YWHAG: variants seen among roughly 807,000 people sequenced by gnomAD.
The protein encoded by YWHAG is 14-3-3 protein gamma.
Under a neutral mutation model 23.3 loss-of-function variants are expected in YWHAG, and 1 was observed. That is an observed-to-expected ratio of 0.04 (90% confidence interval 0.02 to 0.20). YWHAG has a LOEUF of 0.20. Among genes scored for constraint, YWHAG ranks in the 10% least tolerant of loss-of-function variants. YWHAG has a pLI of 1.00. For missense variants in YWHAG, 151 were observed against 338.6 expected (o/e 0.45, Z 4.35); for synonymous variants, 160 against 144.0 (o/e 1.11, Z -0.80).
chr7:76,358,095 AAAG>A (rs1200408404), intron 1 of YWHAG, among the ~76,000 whole-genome samples: 5 of 152,290 alleles, frequency 3.3e-5, no homozygotes, highest in African/African-American at 1.2e-4. Context: ...GCGAATGGAG[AAAG>A]AAGAGCCTTT....
At chr7:76,358,237 G>A (rs761431376) in intron 1 of YWHAG, among the ~76,000 whole-genome samples, 63 of 152,162 alleles carry the variant, frequency 4.1e-4, no homozygotes, top group Non-Finnish European at 6.9e-4. Context: ...GGAAGATTCT[G>A]GGGGGGCTGG....
At chr7:76,358,690 G>A (rs377580693) in intron 1 of YWHAG, 32 bp downstream of exon 1, 5 of 1,533,516 alleles carry the variant, frequency 3.3e-6, no homozygotes, top group Admixed American at 3.8e-5. Context: ...CGGAGGGGCA[G>A]GGAGCGGCGG....
chr7:76,330,694 T>C (rs960758612), intron 1 of YWHAG, among the ~76,000 whole-genome samples: 2 of 152,242 alleles, frequency 1.3e-5, no homozygotes. Context: ...TCTGCTCATA[T>C]GCCAACACCA....
intron 1 of YWHAG, among the ~76,000 whole-genome samples, chr7:76,351,333 T>G (rs1006204925): frequency 2.6e-5 from 4 of 152,192 alleles, no homozygotes; most frequent in African/African-American, 9.7e-5. Context: ...TGGAATGCCC[T>G]TTTCTGTTGT....
Position 76,330,096 on chromosome 7 carries a change from A to G in YWHAG, c.225T>C (p.Asn75=), listed in dbSNP as rs938754648. The change falls in exon 2 of 2, where the codon AAT becomes AAC. Residue 75 remains asparagine (N), a synonymous_variant. Transcript: ENST00000307630. ...CACGGACCATCTCAATCTTCTTCTC[A>G]TTGCCGTCTGCAGATGTCTTCTGCT... The part of the protein sequence containing the change: ...SIEQKTSADG[N]EKKIEMVRAY... 3.1e-6 allele frequency: 5 copies of G among 1,613,666 alleles called. No homozygotes were observed. Among genetic ancestry groups the G allele is most frequent in the African/African-American group, 2.7e-5 (2 of 74,754 alleles).
intron 1 of YWHAG, among the ~76,000 whole-genome samples, chr7:76,354,596 A>C: frequency 6.6e-6 from 1 of 152,316 alleles, no homozygotes; most frequent in East Asian, 1.9e-4. Context: ...AAGAAGGGAA[A>C]AGTAACTACT....
chr7:76,346,374 C>T lies in YWHAG; in HGVS notation c.87+12348G>A, dbSNP rs962110122. Reference sequence around the variant, plus strand: ...GGTTCCAACACACATGGATACAAAGCGGCTCCCTCTTGAATGTCAGTTCTA... The same window carrying T: ...GGTTCCAACACACATGGATACAAAGTGGCTCCCTCTTGAATGTCAGTTCTA... On this transcript the variant is annotated intron_variant, in intron 1 of 1. Coordinates refer to ENST00000307630, the MANE Select transcript of YWHAG (RefSeq NM_012479.4). Among the ~76,000 whole-genome samples the T allele has an allele frequency of 2.0e-5, 3 of 152,168 alleles. No individual in the cohort carries two copies. In the South Asian group the frequency reaches 6.2e-4, roughly 31 times the overall value.
intron 1 of YWHAG, among the ~76,000 whole-genome samples, chr7:76,334,747 G>GAAAGA (rs527923192): frequency 0.019 from 2,779 of 149,114 alleles, 47 homozygotes; most frequent in Non-Finnish European, 0.025. Context: ...AAGAAAGAAA[G>GAAAGA]AAAGAAAAGA....
chr7:76,349,438 CACACAG>C (rs200680632), intron 1 of YWHAG, among the ~76,000 whole-genome samples: 6 of 112,970 alleles, frequency 5.3e-5, no homozygotes, highest in African/African-American at 8.1e-5. Flanking sequence ...CACACACACA[CACACAG>C]ACACACACAC....
chr7:76,329,510 AACT>A lies in YWHAG; in HGVS notation c.*64_*66del. On this transcript the variant is annotated 3_prime_UTR_variant, in exon 2 of 2. Transcript: ENST00000307630. This position sits in a 1 kb window ranked among gnomAD's most constrained non-coding sequence, Gnocchi z 6.1. ...CCTTTCCCTCCCCCACCCGACCCCC[AACT>A]CATGGGAAAAAAATAAAGACTGCAG... 10 of 530,058 alleles carry A rather than the reference AACT, an allele frequency of 1.9e-5. No individual in the cohort carries two copies. Among genetic ancestry groups the A allele is most frequent in the East Asian group, 5.4e-5 (1 of 18,358 alleles). 32.8% of individuals were successfully genotyped at this position (530,058 alleles called of 1,614,324 possible). A position where few individuals can be genotyped will look rare whatever the true frequency, so the allele number is the denominator to read the frequency against.
At chr7:76,348,370 C>T (rs1407765852) in intron 1 of YWHAG, among the ~76,000 whole-genome samples, 1 of 150,190 alleles carries the variant, frequency 6.7e-6, no homozygotes, top group African/African-American at 2.5e-5. Context: ...GATTCTCATG[C>T]CTCAGCCTCC....
rs1803592534 is a variant in YWHAG at position 76,334,686 on chromosome 7, G to A, written c.88-4453C>T. ...CAGCCTTGGCCTCCTAAAGTTCTGG[G>A]ATTACAAACATGAGCCATTCTGCCT... On this transcript the variant is annotated intron_variant, in intron 1 of 1. Transcript: ENST00000307630. Among the ~76,000 whole-genome samples the A allele has an allele frequency of 2.0e-5, 3 of 151,272 alleles. No individual in the cohort carries two copies. In the South Asian group the frequency reaches 6.2e-4, roughly 31 times the overall value.
intron 1 of YWHAG, among the ~76,000 whole-genome samples, chr7:76,338,954 T>C (rs1803653321): frequency 6.6e-6 from 1 of 152,198 alleles, no homozygotes; most frequent in African/African-American, 2.4e-5. Flanking sequence ...GTTGATTAGG[T>C]TGAATTTTGT....
intron 1 of YWHAG, among the ~76,000 whole-genome samples, chr7:76,358,432 C>A (rs1325926528): frequency 6.6e-6 from 1 of 152,206 alleles, no homozygotes; most frequent in Non-Finnish European, 1.5e-5. Context: ...CCTAGAGCCG[C>A]GGGGGCCGGA....
chr7:76,352,310 G>A (rs1803887829), intron 1 of YWHAG, among the ~76,000 whole-genome samples: 1 of 151,884 alleles, frequency 6.6e-6, no homozygotes, highest in South Asian at 2.1e-4. Context: ...CCTTCCCCTC[G>A]CTCCCTTAGC....
intron 1 of YWHAG, among the ~76,000 whole-genome samples, chr7:76,354,797 ACAC>A (rs1452021673): frequency 6.6e-6 from 1 of 152,216 alleles, no homozygotes; most frequent in African/African-American, 2.4e-5. Context: ...AGTCACTAGA[ACAC>A]CAGCAAAATT....
chr7:76,330,475 T>TATC (rs1481517861), intron 1 of YWHAG, among the ~76,000 whole-genome samples: 1 of 152,166 alleles, frequency 6.6e-6, no homozygotes, highest in Non-Finnish European at 1.5e-5. Context: ...GACACAGGCT[T>TATC]ATCACGTGTG....
chr7:76,348,839 A>G (rs1408296384), intron 1 of YWHAG, among the ~76,000 whole-genome samples: 1 of 151,852 alleles, frequency 6.6e-6, no homozygotes, highest in East Asian at 2.0e-4. Context: ...CCAGCCTCCC[A>G]AAGTGCTGGG....
In YWHAG at chr7:76,329,489, T is replaced by TACCTCCCCCCCCCCCC; in HGVS notation, c.*87_*88insGGGGGGGGGGGGAGGT. The TACCTCCCCCCCCCCCC allele has an allele frequency of 9.8e-7, 1 of 1,024,228 alleles. No individual in the cohort carries two copies. The highest frequency in any genetic ancestry group is 3.7e-4 in the Middle Eastern group (1 of 2,704). 63.4% of individuals were successfully genotyped at this position (1,024,228 alleles called of 1,614,324 possible). On this transcript the variant is annotated 3_prime_UTR_variant, in exon 2 of 2. Transcript: ENST00000307630. The surrounding 1 kb of genome is among the most constrained non-coding windows in gnomAD (Gnocchi z 6.1). ...TCCCTGGGAAGGTCATCCCTCCCTTTCCCTCCCCCACCCGACCCCCAACTC... is the reference window on the plus strand; with the variant it reads ...TCCCTGGGAAGGTCATCCCTCCCTTTACCTCCCCCCCCCCCCCCCTCCCCCACCCGACCCCCAACTC...
Sources: allele counts gnomAD v4.1 joint callset (sites outside exome capture counted in the v4.1 genomes callset), GRCh38; gene constraint gnomAD v4.1.1; non-coding constraint Gnocchi (gnomAD v3.1); transcripts MANE v1.5; gene names NCBI Gene and HGNC (gene_info 2026-07-23, HGNC 2026-07-21).